Variants in ZNF83 observed in about 807,000 individuals in gnomAD.
ZNF83 encodes the protein zinc finger protein 816B.
For missense variants in ZNF83, 552 were observed against 629.9 expected (o/e 0.88, Z 1.32); for synonymous variants, 209 against 213.0 (o/e 0.98, Z 0.17).
chr19:52,637,076 A>G (rs62118519), intron 1 of ZNF83: 32,017 of 147,912 alleles, frequency 0.22, 3,576 homozygotes, highest in Middle Eastern at 0.3. Flanking sequence ...CTCATTTTGT[A>G]CCCCTCTCCT....
chr19:52,646,097 G>A (rs976195455), intron 3 of ZNF83, among the ~76,000 whole-genome samples: 12 of 151,906 alleles, frequency 7.9e-5, no homozygotes, highest in Admixed American at 5.2e-4. Context: ...ATGCCACCAC[G>A]CCCAGCTAAT....
intron 2 of ZNF83, among the ~76,000 whole-genome samples, chr19:52,620,222 G>T (rs201824228): frequency 7.3e-6 from 1 of 137,080 alleles, no homozygotes; most frequent in African/African-American, 2.9e-5. Context: ...ACGTATGTGT[G>T]TATGTGTATA....
In ZNF83 at chr19:52,613,250, C is replaced by G. The variant is rs778743816; in HGVS notation, c.1315G>C (p.Gly439Arg). 1.8e-5 allele frequency: 29 copies of G among 1,609,382 alleles called. No individual in the cohort carries two copies. The highest frequency in any genetic ancestry group is 2.0e-5 in the Non-Finnish European group (24 of 1,178,400). ...TGATGTGCTAGGGATGAGTTTAGAC[C>G]GAAGACCTTCCCACATTCATTACAT... The change falls in exon 3 of 3, where the codon GGT becomes CGT. Residue 439 changes from glycine (G) to arginine (R), a missense_variant. By Grantham distance (125) the Gly-to-Arg change is moderately radical. Coordinates refer to ENST00000301096, the Ensembl canonical transcript of ZNF83.
At chr19:52,661,737 G>A (rs6509661) in intron 1 of ZNF83, among the ~76,000 whole-genome samples, 16,198 of 152,170 alleles carry the variant, frequency 0.11, 974 homozygotes, top group African/African-American at 0.15. Flanking sequence ...AGTGAACAGC[G>A]AAGGAGCTAA....
rs201971621 is a variant in ZNF83 at position 52,618,946 on chromosome 19, C to T, written c.-233-4149G>A. 524 of 1,547,458 alleles carry T rather than the reference C, an allele frequency of 3.4e-4. 42 individuals carry two copies. The South Asian group carries it at 5.3e-3, about 16-fold the overall frequency. ...GGAAGTTATCCTCACCCAGGGAGAC[C>T]AGGTTCCTATAATTCTCCAACATCA... On this transcript the variant is annotated intron_variant, in intron 2 of 2. Coordinates refer to ENST00000301096, the Ensembl canonical transcript of ZNF83.
intron 3 of ZNF83, among the ~76,000 whole-genome samples, chr19:52,645,358 G>A (rs765497932): frequency 2.6e-5 from 4 of 152,018 alleles, no homozygotes; most frequent in Non-Finnish European, 4.4e-5. Flanking sequence ...AAACTATTTT[G>A]AAATTGTTTT....
In ZNF83 at chr19:52,687,453, AATATAAATTATAATTTATATATCT is replaced by A. The variant is rs1437824163; in HGVS notation, c.-283+2966_-283+2989del. 4.5e-4 allele frequency among the ~76,000 whole-genome samples: 8 copies of A among 17,590 alleles called. 1 individual carries two copies. Among genetic ancestry groups the A allele is most frequent in the East Asian group, 2.2e-3 (2 of 930 alleles). The allele number at this position is 17,590 out of a possible 152,430, so 11.5% of individuals were successfully genotyped here. Reference sequence around the variant, plus strand: ...TAATTTATATAGCTATATAAATTATAATATAAATTATAATTTATATATCTATATAAATTATAATTTATATAGATA... The same window carrying A: ...TAATTTATATAGCTATATAAATTATAATATAAATTATAATTTATATAGATA... On this transcript the variant is annotated intron_variant, in intron 1 of 5. Transcript: ENST00000594682.
chr19:52,652,338 G>C (rs777908203), intron 3 of ZNF83: 7 of 284,944 alleles, frequency 2.5e-5, no homozygotes, highest in Non-Finnish European at 4.7e-5. Flanking sequence ...CAGGAGGCTA[G>C]GAAGGAGAAT....
At chr19:52,669,806 G>C (rs1016570204) in intron 1 of ZNF83, among the ~76,000 whole-genome samples, 1 of 152,092 alleles carries the variant, frequency 6.6e-6, no homozygotes, top group African/African-American at 2.4e-5. Flanking sequence ...TCCGTGGGTT[G>C]GTGCAGAGGC....
intron 2 of ZNF83, among the ~76,000 whole-genome samples, chr19:52,616,116 G>A (rs1043535393): frequency 3.3e-5 from 5 of 152,238 alleles, no homozygotes; most frequent in African/African-American, 9.6e-5. Flanking sequence ...GGGATTTCAG[G>A]TGTGAGCCAC....
At chr19:52,645,846 A>G (rs1034204788) in intron 3 of ZNF83, among the ~76,000 whole-genome samples, 4 of 149,132 alleles carry the variant, frequency 2.7e-5, no homozygotes, top group African/African-American at 9.8e-5. Flanking sequence ...TAGAAAAATG[A>G]AGAGGAAACA....
chr19:52,626,797 T>C (rs955829709), intron 2 of ZNF83, among the ~76,000 whole-genome samples: 1 of 152,002 alleles, frequency 6.6e-6, no homozygotes, highest in Admixed American at 6.6e-5. Context: ...CTGAGAAACA[T>C]CATCCATTAT....
chr19:52,652,536 C>T, intron 3 of ZNF83: 1 of 451,814 alleles, frequency 2.2e-6, no homozygotes, highest in Non-Finnish European at 4.5e-6. Flanking sequence ...GACTGAAGAC[C>T]TTGCTGCAAT....
At chr19:52,614,556 C>A (rs10406458) in exon 3 of ZNF83, 984,822 of 1,589,560 alleles carry the variant, frequency 0.62, 308,563 homozygotes, top group African/African-American at 0.82. Context: ...CATCCTTTCT[C>A]CCATGCATGT....
intron 2 of ZNF83, among the ~76,000 whole-genome samples, chr19:52,631,135 C>T (rs567653651): frequency 0.13 from 16,930 of 130,254 alleles, 1,198 homozygotes; most frequent in Middle Eastern, 0.18. Flanking sequence ...GCTGTACTGC[C>T]GCAAGGCTTC....
chr19:52,662,382 G>A (rs1459170509), intron 1 of ZNF83, among the ~76,000 whole-genome samples: 1 of 152,128 alleles, frequency 6.6e-6, no homozygotes, highest in Admixed American at 6.5e-5. Context: ...GAGCTGAGGA[G>A]CCAACTGAAC....
At chr19:52,641,558 C>T (rs376174788), upstream of ZNF83, among the ~76,000 whole-genome samples, 3 of 152,224 alleles carry the variant, frequency 2.0e-5, 1 homozygote, top group African/African-American at 7.2e-5. Context: ...TTAGTGCTTT[C>T]CATTACACTT....
chr19:52,662,418 G>C (rs2061592275), intron 1 of ZNF83, among the ~76,000 whole-genome samples: 1 of 152,170 alleles, frequency 6.6e-6, no homozygotes, highest in African/African-American at 2.4e-5. Flanking sequence ...TCAGGGGAGA[G>C]GCCTGTAGGG....
At chr19:52,613,563 A>G in exon 3 of ZNF83, 1 of 1,610,580 alleles carries the variant, frequency 6.2e-7, no homozygotes, top group Non-Finnish European at 8.5e-7. Flanking sequence ...TTCTCCAGTG[A>G]TTTACTAGGG....
Sources: gnomAD v4.1 joint callset for allele counts (sites outside exome capture counted in the v4.1 genomes callset) on GRCh38, gnomAD v4.1.1 for gene constraint, MANE v1.5 for transcripts, NCBI Gene and HGNC (gene_info 2026-07-23, HGNC 2026-07-21) for gene names.